Variants in MYLK3 observed in about 807,000 individuals in gnomAD.
The protein encoded by MYLK3 is MLC kinase.
A neutral mutation model predicts 76.3 loss-of-function variants in MYLK3; 55 were observed. The ratio of observed to expected loss-of-function variants is 0.72; its 90% CI spans 0.58 to 0.90. MYLK3 has a LOEUF of 0.90. Among genes scored for constraint, MYLK3 ranks in the 40% least tolerant of loss-of-function variants. MYLK3 has a pLI of 0.00. For missense variants in MYLK3, 973 were observed against 1,053.6 expected (o/e 0.92, Z 1.06); for synonymous variants, 416 against 425.4 (o/e 0.98, Z 0.27).
intron 3 of MYLK3, among the ~76,000 whole-genome samples, chr16:46,734,553 G>A (rs1480229244): frequency 6.6e-6 from 1 of 152,090 alleles, no homozygotes; most frequent in African/African-American, 2.4e-5. Flanking sequence ...CCCAGGAGGT[G>A]GAGTTTGCAG....
intron 2 of MYLK3, among the ~76,000 whole-genome samples, chr16:46,739,485 C>A (rs749159640): frequency 6.6e-6 from 1 of 152,198 alleles, no homozygotes; most frequent in South Asian, 2.1e-4. Context: ...TTGAACTGCA[C>A]GGGTTCACTT....
chr16:46,724,973 G>A (rs1416818974), intron 8 of MYLK3, among the ~76,000 whole-genome samples: 3 of 151,996 alleles, frequency 2.0e-5, no homozygotes, highest in South Asian at 2.1e-4. Context: ...TTAACATTTT[G>A]TTGTAGTTTT....
At chr16:46,707,992 T>C (rs546423001) in intron 12 of MYLK3, among the ~76,000 whole-genome samples, 1 of 152,160 alleles carries the variant, frequency 6.6e-6, no homozygotes, top group East Asian at 1.9e-4. Context: ...GCCCTCTTTT[T>C]TTTCTTTTTT....
intron 9 of MYLK3, among the ~76,000 whole-genome samples, chr16:46,714,863 G>C (rs898439659): frequency 6.6e-6 from 1 of 152,194 alleles, no homozygotes; most frequent in Admixed American, 6.5e-5. Context: ...CTAGATCAGC[G>C]ACTCCCAGTC....
At chr16:46,746,713 C>G (rs778159913) in intron 1 of MYLK3, among the ~76,000 whole-genome samples, 2 of 152,248 alleles carry the variant, frequency 1.3e-5, no homozygotes, top group Admixed American at 1.3e-4. Context: ...GCATCAGCCA[C>G]TGCACCCAGC....
rs764920366 is a variant in MYLK3 at position 46,729,047 on chromosome 16, G to A, written c.1749C>T (p.His583=). The change falls in exon 7 of 13, where the codon CAC becomes CAT. Residue 583 remains histidine, a synonymous_variant. Transcript: ENST00000394809. ...IQLYDAFESK[H]SCTLVMEYVD... Reference sequence around the variant, plus strand: ...ACTACTCCATGACAAGGGTGCAGCTGTGCTTGCTCTCGAAGGCGTCATAGA... The same window carrying A: ...ACTACTCCATGACAAGGGTGCAGCTATGCTTGCTCTCGAAGGCGTCATAGA... The A allele has an allele frequency of 1.2e-6, 2 of 1,613,976 alleles. No homozygotes were observed. Among genetic ancestry groups the A allele is most frequent in the Non-Finnish European group, 1.7e-6 (2 of 1,179,914 alleles).
intron 1 of MYLK3, among the ~76,000 whole-genome samples, chr16:46,746,608 A>G (rs1967028818): frequency 6.6e-6 from 1 of 152,132 alleles, no homozygotes; most frequent in Non-Finnish European, 1.5e-5. Context: ...TATTTTTTGT[A>G]GAGACGGGGT....
In MYLK3 at chr16:46,712,636, C is replaced by CTAAG. The variant is rs776162468; in HGVS notation, c.2114+8_2114+11dup. 5 of 1,478,160 alleles carry CTAAG rather than the reference C, an allele frequency of 3.4e-6. No homozygotes were observed. Among genetic ancestry groups the CTAAG allele is most frequent in the Admixed American group, 2.3e-5 (1 of 43,106 alleles). 91.6% of individuals were successfully genotyped at this position (1,478,160 alleles called of 1,614,324 possible). A position where few individuals can be genotyped will look rare whatever the true frequency, so the allele number is the denominator to read the frequency against. On this transcript the variant is annotated intron_variant, in intron 10 of 12. Coordinates refer to ENST00000394809, the MANE Select transcript of MYLK3 (RefSeq NM_182493.3). Reference sequence around the variant, plus strand: ...CTGTCCCCACTTCAGAGCCAGGGTGCTAAGCACTCACAGCATGTAGGTGAT... The same window carrying CTAAG: ...CTGTCCCCACTTCAGAGCCAGGGTGCTAAGTAAGCACTCACAGCATGTAGGTGAT...
chr16:46,759,215 C>G (rs1230838872), intron 1 of MYLK3, among the ~76,000 whole-genome samples: 1 of 152,250 alleles, frequency 6.6e-6, no homozygotes. Flanking sequence ...CTCATTTACT[C>G]TCTTCCTTCT....
Position 46,748,236 on chromosome 16 carries a change from A to C in MYLK3, c.-43T>G. The C allele has an allele frequency of 6.3e-7, 1 of 1,575,760 alleles. No homozygotes were observed. The highest frequency in any genetic ancestry group is 8.6e-7 in the Non-Finnish European group (1 of 1,160,466). ...AAGGGCAAGAGCGGGGAATGAGGAG[A>C]GGCACAGACCCCTGGTTCTCACTCA... On this transcript the variant is annotated 5_prime_UTR_variant, in exon 1 of 13. Transcript: ENST00000394809. This position sits in a 1 kb window ranked among gnomAD's most constrained non-coding sequence, Gnocchi z 4.3.
At position 46,712,668 on chromosome 16, in the gene MYLK3, C is replaced by T; in HGVS notation, c.2094G>A (p.Val698=). 1 of 1,566,098 alleles carries T rather than the reference C, an allele frequency of 6.4e-7. No homozygotes were observed. Among genetic ancestry groups the T allele is most frequent in the Non-Finnish European group, 8.7e-7 (1 of 1,155,448 alleles). The change falls in exon 10 of 13, where the codon GTG becomes GTA. Residue 698 remains valine (V), a synonymous_variant. Coordinates refer to ENST00000394809, the MANE Select transcript of MYLK3 (RefSeq NM_182493.3). ...FVSFPTDMWS[V]GVITYMLLSG... Reference sequence around the variant, plus strand: ...CTCACAGCATGTAGGTGATGACTCCCACACTCCACATGTCTGTGGGGAATG... The same window carrying T: ...CTCACAGCATGTAGGTGATGACTCCTACACTCCACATGTCTGTGGGGAATG...
chr16:46,734,624 C>T (rs972208091), intron 3 of MYLK3, among the ~76,000 whole-genome samples: 3 of 151,770 alleles, frequency 2.0e-5, no homozygotes. Context: ...CCATCACACA[C>T]ACACACACAA....
chr16:46,732,936 G>GGCCT (rs1264016118), intron 3 of MYLK3, among the ~76,000 whole-genome samples: 3 of 152,190 alleles, frequency 2.0e-5, no homozygotes, highest in Non-Finnish European at 4.4e-5. Flanking sequence ...GGAGAACTGA[G>GGCCT]GCCTGTAGGC....
rs1441429541 is a variant in MYLK3 at position 46,704,242 on chromosome 16, G to T, written c.*3462C>A. 1 of 151,930 alleles carries T rather than the reference G, an allele frequency of 6.6e-6. No homozygotes were observed. Among genetic ancestry groups the T allele is most frequent in the Admixed American group, 6.6e-5 (1 of 15,240 alleles). The allele number at this position is 151,930 out of a possible 1,614,324, so 9.4% of individuals were successfully genotyped here. A position where few individuals can be genotyped will look rare whatever the true frequency, so the allele number is the denominator to read the frequency against. ...TGTGCCTTAGCCTCCCAAGTAGCTG[G>T]GATTACAGGTATGCGCCACCACGCC... On this transcript the variant is annotated 3_prime_UTR_variant, in exon 13 of 13. Coordinates refer to ENST00000394809, the MANE Select transcript of MYLK3 (RefSeq NM_182493.3).
chr16:46,758,731 G>A (rs555478771), intron 1 of MYLK3, among the ~76,000 whole-genome samples: 5 of 152,266 alleles, frequency 3.3e-5, no homozygotes, highest in South Asian at 2.1e-4. Flanking sequence ...CACACAGCAC[G>A]TAAGTAGCAA....
At chr16:46,748,424 C>A, upstream of MYLK3, 4 of 712,526 alleles carry the variant, frequency 5.6e-6, no homozygotes, top group Non-Finnish European at 8.7e-6. The surrounding 1 kb of genome is among the most constrained non-coding windows in gnomAD (Gnocchi z 4.3). Flanking sequence ...GAGTGACAGG[C>A]CGAGGTCAGC....
At chr16:46,758,300 ACACACTCTCTCTCTCT>A (rs1330521120) in intron 1 of MYLK3, among the ~76,000 whole-genome samples, 189 of 51,360 alleles carry the variant, frequency 3.7e-3, no homozygotes, top group African/African-American at 0.014. Flanking sequence ...ACACACACAC[ACACACTCTCTCTCTCT>A]CTCTCTCTCT....
At chr16:46,719,243 C>T (rs1966775297) in intron 9 of MYLK3, among the ~76,000 whole-genome samples, 1 of 151,236 alleles carries the variant, frequency 6.6e-6, no homozygotes, top group African/African-American at 2.4e-5. Flanking sequence ...AGGAGAATTG[C>T]TTGAATCCAG....
At position 46,705,014 on chromosome 16, in the gene MYLK3, A is replaced by G. The variant is rs950924322; in HGVS notation, c.*2690T>C. 1 of 152,224 alleles carries G rather than the reference A, an allele frequency of 6.6e-6. No individual in the cohort carries two copies. The highest frequency in any genetic ancestry group is 2.4e-5 in the African/African-American group (1 of 41,458). 9.4% of individuals were successfully genotyped at this position (152,224 alleles called of 1,614,324 possible). On this transcript the variant is annotated 3_prime_UTR_variant, in exon 13 of 13. Transcript: ENST00000394809. ...TTCATTCTTCAGCTGACCAACTTGG[A>G]GCAGGCCTAGACTTGCTGGTATTGA...
Sources: gnomAD v4.1 joint callset for allele counts (sites outside exome capture counted in the v4.1 genomes callset) on GRCh38, gnomAD v4.1.1 for gene constraint, Gnocchi (gnomAD v3.1) non-coding constraint, MANE v1.5 for transcripts, NCBI Gene and HGNC (gene_info 2026-07-23, HGNC 2026-07-21) for gene names.